The following SLC27A2 variants were observed in gnomAD, a reference collection of about 807,000 sequenced individuals.
The protein encoded by SLC27A2 is long-chain fatty acid transport protein 2.
SLC27A2 carries 54 observed loss-of-function variants against 60.0 expected under a neutral mutation model. That is an observed-to-expected ratio of 0.90 (90% CI 0.72 to 1.13). SLC27A2 has a LOEUF of 1.13. Among genes scored for constraint, SLC27A2 ranks in the 50% most tolerant of loss-of-function variants. The pLI is 0.00. For synonymous variants in SLC27A2, 297 were observed against 297.6 expected, an observed-to-expected ratio of 1.00 and a Z score of 0.02; for missense variants, 739 against 777.6, an observed-to-expected ratio of 0.95 and a Z score of 0.59.
chr15:50,227,251 T>G (rs2045285516), intron 7 of SLC27A2, 73 bp downstream of exon 7: 1 of 1,163,360 alleles, frequency 8.6e-7, no homozygotes. Flanking sequence ...GGAATCGCAT[T>G]CCACTTTGGT....
chr15:50,205,436 A>G, intron 4 of SLC27A2, 73 bp downstream of exon 4: 1 of 1,467,418 alleles, frequency 6.8e-7, no homozygotes. Context: ...GGGTTGTGCT[A>G]GGCTTCAACT....
At chr15:50,230,235 CCAAA>C (rs1222090907) in intron 8 of SLC27A2, among the ~76,000 whole-genome samples, 31 of 123,480 alleles carry the variant, frequency 2.5e-4, no homozygotes, top group South Asian at 2.8e-4. Flanking sequence ...CTCTGTCTCA[CCAAA>C]AAAAAAAAAA....
intron 2 of SLC27A2, among the ~76,000 whole-genome samples, chr15:50,200,336 G>C (rs944992391): frequency 6.6e-6 from 1 of 152,144 alleles, no homozygotes; most frequent in African/African-American, 2.4e-5. Flanking sequence ...GCTGAGACAG[G>C]AGGATCACTT....
At position 50,227,181 on chromosome 15, in the gene SLC27A2, T is replaced by A; in HGVS notation, c.1457+3T>A. On this transcript the variant is annotated splice_donor_region_variant and intron_variant, in intron 7 of 9. Coordinates refer to ENST00000267842, the MANE Select transcript of SLC27A2 (RefSeq NM_003645.4). ...GACAGAGTTGGAGATACATTCCGGTTGGTTTTTCTGAATCATTGAGCCAAA... is the reference window on the plus strand; with the variant it reads ...GACAGAGTTGGAGATACATTCCGGTAGGTTTTTCTGAATCATTGAGCCAAA... 1 of 1,612,492 alleles carries A rather than the reference T, an allele frequency of 6.2e-7. No homozygotes were observed. The highest frequency in any genetic ancestry group is 8.5e-7 in the Non-Finnish European group (1 of 1,179,006).
chr15:50,227,509 T>A (rs780167880), intron 7 of SLC27A2, among the ~76,000 whole-genome samples: 1 of 152,214 alleles, frequency 6.6e-6, no homozygotes, highest in Non-Finnish European at 1.5e-5. Context: ...ACCTTTCCAA[T>A]CATGGAGGTG....
At chr15:50,219,438 T>A (rs1037463539) in intron 4 of SLC27A2, among the ~76,000 whole-genome samples, 8 of 152,040 alleles carry the variant, frequency 5.3e-5, no homozygotes, top group African/African-American at 1.9e-4. Flanking sequence ...TTTCCTTTTT[T>A]CTTTTTTTTG....
At chr15:50,208,380 A>G (rs1461964092) in intron 4 of SLC27A2, among the ~76,000 whole-genome samples, 1 of 152,200 alleles carries the variant, frequency 6.6e-6, no homozygotes, top group East Asian at 1.9e-4. Context: ...GTCGGCCTGC[A>G]TTCTGACTCT....
Position 50,230,578 on chromosome 15 carries a change from C to T in SLC27A2, c.1555+1536C>T, listed in dbSNP as rs1018940521. On this transcript the variant is annotated intron_variant, in intron 8 of 9. Coordinates refer to ENST00000267842, the MANE Select transcript of SLC27A2 (RefSeq NM_003645.4). ...AAAGAATATTCAAGAATATCTCTTG[C>T]TTGTTCCTCCCCAACTCAGGGACAA... Among the ~76,000 whole-genome samples, 65 of 152,226 alleles carry T rather than the reference C, an allele frequency of 4.3e-4. 1 individual carries two copies. Among genetic ancestry groups the T allele is most frequent in the African/African-American group, 1.5e-3 (62 of 41,540 alleles).
intron 4 of SLC27A2, among the ~76,000 whole-genome samples, chr15:50,218,003 G>C (rs565860147): frequency 7.4e-6 from 1 of 135,980 alleles, no homozygotes; most frequent in Non-Finnish European, 1.5e-5. Flanking sequence ...GCATCGAGCC[G>C]AGATTGCACC....
In SLC27A2 at chr15:50,182,627, C is replaced by T; in HGVS notation, c.200C>T (p.Pro67Leu). ...TTCCTGGAGAAAGCGCGCCAGACGC[C>T]ACACAAGCCTTTTCTGCTCTTCCGC... ...RAFLEKARQT[P>L]HKPFLLFRDE... Residue 67 changes from proline (P) to leucine (L), a missense_variant, in exon 1 of 10, where the codon CCA (proline) becomes CTA (leucine). Coordinates refer to ENST00000267842, the MANE Select transcript of SLC27A2 (RefSeq NM_003645.4). The T allele has an allele frequency of 6.2e-7, 1 of 1,613,960 alleles. No homozygotes were observed. Among genetic ancestry groups the T allele is most frequent in the Non-Finnish European group, 8.5e-7 (1 of 1,179,900 alleles).
At chr15:50,190,649 A>G (rs2044965677) in intron 1 of SLC27A2, among the ~76,000 whole-genome samples, 1 of 151,060 alleles carries the variant, frequency 6.6e-6, no homozygotes, top group South Asian at 2.1e-4. Flanking sequence ...GGCAGACTTA[A>G]TATGCTACCT....
intron 1 of SLC27A2, among the ~76,000 whole-genome samples, chr15:50,191,623 A>C (rs891063868): frequency 6.6e-6 from 1 of 151,808 alleles, no homozygotes; most frequent in Non-Finnish European, 1.5e-5. Flanking sequence ...TCCCAAGAGC[A>C]CTCCTGCATG....
At chr15:50,199,134 T>C (rs969057144) in intron 2 of SLC27A2, among the ~76,000 whole-genome samples, 1 of 152,182 alleles carries the variant, frequency 6.6e-6, no homozygotes, top group African/African-American at 2.4e-5. Context: ...ATGGGACTTT[T>C]ATCATCATTT....
intron 2 of SLC27A2, among the ~76,000 whole-genome samples, chr15:50,199,297 A>AC (rs1158875012): frequency 6.6e-6 from 1 of 152,032 alleles, no homozygotes; most frequent in Non-Finnish European, 1.5e-5. Flanking sequence ...ACATGGTGAA[A>AC]CCCCATCTCT....
intron 1 of SLC27A2, among the ~76,000 whole-genome samples, chr15:50,193,359 A>C (rs2044989885): frequency 6.6e-6 from 1 of 152,166 alleles, no homozygotes; most frequent in African/African-American, 2.4e-5. Context: ...GAAAACAGGG[A>C]GAGCGTTTTG....
intron 1 of SLC27A2, among the ~76,000 whole-genome samples, chr15:50,191,872 C>A (rs1192117789): frequency 6.6e-6 from 1 of 152,044 alleles, no homozygotes; most frequent in African/African-American, 2.4e-5. Flanking sequence ...CCAGCCTGGC[C>A]AAATTGGTGA....
chr15:50,211,354 C>T (rs2045153090), intron 4 of SLC27A2, among the ~76,000 whole-genome samples: 1 of 152,184 alleles, frequency 6.6e-6, no homozygotes, highest in African/African-American at 2.4e-5. Context: ...GGTAGACTTG[C>T]TGGGTGGCTA....
Position 50,223,118 on chromosome 15 carries a change from A to G in SLC27A2, c.1126A>G (p.Arg376Gly). The G allele has an allele frequency of 6.2e-7, 1 of 1,613,978 alleles. No individual in the cohort carries two copies. Among genetic ancestry groups the G allele is most frequent in the Non-Finnish European group, 8.5e-7 (1 of 1,179,948 alleles). The change falls in exon 5 of 10, where the codon AGA becomes GGA. Residue 376 changes from arginine to glycine, a missense_variant. Physicochemically the swap from Arg to Gly is moderately radical, Grantham distance 125. Transcript: ENST00000267842. ...CAATATTGGATTTATGAATTATGCG[A>G]GAAAAGTTGGTGCTGTTGGAAGAGT... ...EGNIGFMNYA[R>G]KVGAVGRVNY...
chr15:50,226,192 G>T, intron 6 of SLC27A2, 114 bp downstream of exon 6: 2 of 667,918 alleles, frequency 3.0e-6, no homozygotes, highest in South Asian at 2.0e-5. Context: ...GGGGAAAAGG[G>T]GGGTTTATTT....
Sources: allele counts gnomAD v4.1 joint callset (sites outside exome capture counted in the v4.1 genomes callset), GRCh38; gene constraint gnomAD v4.1.1; transcripts MANE v1.5; gene names NCBI Gene and HGNC (gene_info 2026-07-23, HGNC 2026-07-21).